Variants in SLC35B4 observed in about 807,000 individuals in gnomAD.
The protein encoded by SLC35B4 is solute carrier family 35 member B4.
SLC35B4 carries 28 observed loss-of-function variants against 39.5 expected under a neutral mutation model. The ratio of observed to expected loss-of-function variants is 0.71; its 90% CI spans 0.53 to 0.97. The LOEUF is 0.97. SLC35B4 is among the 50% of genes least tolerant of loss of function. The pLI is 0.00. For synonymous variants in SLC35B4, 145 were observed against 150.4 expected (o/e 0.96, Z 0.26); for missense variants, 334 against 414.3 (o/e 0.81, Z 1.68).
chr7:134,318,944 G>T (rs905608276), upstream of SLC35B4, among the ~76,000 whole-genome samples: 1 of 152,180 alleles, frequency 6.6e-6, no homozygotes, highest in African/African-American at 2.4e-5. Context: ...CACTAGGCCT[G>T]CAGCATGGCC....
chr7:134,303,375 T>C (rs1304943387), intron 4 of SLC35B4, among the ~76,000 whole-genome samples: 1 of 152,082 alleles, frequency 6.6e-6, no homozygotes, highest in Non-Finnish European at 1.5e-5. Flanking sequence ...AATCAAAGGT[T>C]GGGAAAGAGC....
rs759761400 is a variant in SLC35B4, at chr7:134,294,872, G to A, written c.957C>T (p.Thr319=). The A allele has an allele frequency of 7.4e-6, 12 of 1,613,916 alleles. 1 individual carries two copies. The highest frequency in any genetic ancestry group is 1.6e-4 in the Middle Eastern group (1 of 6,078). ...MYTEVWNNLG[T]TKSEPQKDSK... Reference sequence around the variant, plus strand: ...TGTCCTTCTGAGGCTCACTTTTTGTGGTCCCTAGGTTGTTCCACACCTCTG... The same window carrying A: ...TGTCCTTCTGAGGCTCACTTTTTGTAGTCCCTAGGTTGTTCCACACCTCTG... The change falls in exon 10 of 10, where the codon ACC becomes ACT. Residue 319 remains threonine, a synonymous_variant. Coordinates refer to ENST00000378509, the MANE Select transcript of SLC35B4 (RefSeq NM_032826.5).
chr7:134,295,102 G>C, intron 9 of SLC35B4, 23 bp from the exon 10 acceptor site: 1 of 1,611,902 alleles, frequency 6.2e-7, no homozygotes, highest in Non-Finnish European at 8.5e-7. Flanking sequence ...AGTCAAGGTA[G>C]TTTTCTGTAG....
intron 3 of SLC35B4, 93 bp downstream of exon 3, chr7:134,306,579 C>T: frequency 9.6e-7 from 1 of 1,039,406 alleles, no homozygotes; most frequent in Non-Finnish European, 1.4e-6. Flanking sequence ...AGACCACTTA[C>T]TACAAGAACC....
rs185806026 is a variant in SLC35B4 at position 134,307,943 on chromosome 7, T to C, written c.192-1169A>G. Among the ~76,000 whole-genome samples the C allele has an allele frequency of 2.3e-4, 35 of 152,364 alleles. 1 individual carries two copies. The highest frequency in any genetic ancestry group is 1.8e-3 in the Admixed American group (27 of 15,310). On this transcript the variant is annotated intron_variant, in intron 2 of 9. Coordinates refer to ENST00000378509, the MANE Select transcript of SLC35B4 (RefSeq NM_032826.5). ...TACAAAGTTTCTTGCCAAATTTTCT[T>C]AGTTCTACCTTGAAGAGGTGCCATT...
chr7:134,307,338 T>TAAA (rs33975579), intron 2 of SLC35B4, among the ~76,000 whole-genome samples: 2 of 141,654 alleles, frequency 1.4e-5, no homozygotes, highest in East Asian at 2.2e-4. Context: ...AAACAAAAAC[T>TAAA]AAAAAAAAAA....
rs1326819104 is a variant in SLC35B4, at chr7:134,294,682, G to A, written c.*151C>T. 7.7e-6 allele frequency: 7 copies of A among 910,552 alleles called. No individual in the cohort carries two copies. The highest frequency in any genetic ancestry group is 1.1e-5 in the Non-Finnish European group (7 of 614,474). 56.4% of individuals were successfully genotyped at this position (910,552 alleles called of 1,614,324 possible). ...ATTTAGTCTACATGTGTCAGTCTGAGCAACGTGAGAAGTCCCCTCCTGAAG... is the reference window on the plus strand; with the variant it reads ...ATTTAGTCTACATGTGTCAGTCTGAACAACGTGAGAAGTCCCCTCCTGAAG... On this transcript the variant is annotated 3_prime_UTR_variant, in exon 10 of 10. Transcript: ENST00000378509.
Position 134,294,813 on chromosome 7 carries a change from CTACG to C in SLC35B4, c.*16_*19del, listed in dbSNP as rs529024637. On this transcript the variant is annotated 3_prime_UTR_variant, in exon 10 of 10. Transcript: ENST00000378509. ...GTCCCACCCTCACGACGACACTGGT[CTACG>C]TACTCCAGACAGGCCTCAGTTCTTC... The C allele has an allele frequency of 3.9e-4, 625 of 1,613,104 alleles. 7 individuals are homozygous for C. In the South Asian group the frequency reaches 6.6e-3, roughly 17 times the overall value.
At chr7:134,309,749 C>T (rs927950728) in intron 1 of SLC35B4, among the ~76,000 whole-genome samples, 4 of 152,210 alleles carry the variant, frequency 2.6e-5, no homozygotes, top group East Asian at 1.9e-4. Context: ...CCCAGAACTA[C>T]GATACAGCTT....
rs2117300193 is a variant in SLC35B4, at chr7:134,304,857, G to T, written c.295-3C>A. 6.2e-7 allele frequency: 1 copy of T among 1,611,962 alleles called. No individual in the cohort carries two copies. Among genetic ancestry groups the T allele is most frequent in the Non-Finnish European group, 8.5e-7 (1 of 1,178,232 alleles). On this transcript the variant is annotated splice_region_variant and splice_polypyrimidine_tract_variant and intron_variant, in intron 3 of 9. Transcript: ENST00000378509. ...ATCATGTTGGCAATTAGAGAACCCT[G>T]CAAAAGGAGACAACAGTAACAGAGA...
chr7:134,304,936 C>A, intron 3 of SLC35B4, 82 bp from the exon 4 acceptor site: 1 of 1,048,726 alleles, frequency 9.5e-7, no homozygotes, highest in Non-Finnish European at 1.5e-6. Flanking sequence ...GGAACATGGG[C>A]AAGGGGAAAA....
At chr7:134,308,825 T>C (rs1803769690) in intron 2 of SLC35B4, among the ~76,000 whole-genome samples, 2 of 152,248 alleles carry the variant, frequency 1.3e-5, no homozygotes, top group African/African-American at 2.4e-5. Context: ...TTTGGACTAA[T>C]GTACTACAGG....
At position 134,290,407 on chromosome 7, in the gene SLC35B4, C is replaced by T. The variant is rs1203984008; in HGVS notation, c.*4426G>A. The T allele has an allele frequency of 2.0e-5, 3 of 152,200 alleles. No individual in the cohort carries two copies. Among genetic ancestry groups the T allele is most frequent in the African/African-American group, 4.8e-5 (2 of 41,446 alleles). 9.4% of individuals were successfully genotyped at this position (152,200 alleles called of 1,614,324 possible). ...CCAGAAACTTGAGGGAAGAAGAGAT[C>T]TTGGCAAGCATTCATTTATTCACAT... On this transcript the variant is annotated 3_prime_UTR_variant, in exon 10 of 10. Transcript: ENST00000378509.
chr7:134,311,573 T>C (rs1280680383), intron 1 of SLC35B4, among the ~76,000 whole-genome samples: 1 of 152,166 alleles, frequency 6.6e-6, no homozygotes, highest in Non-Finnish European at 1.5e-5. Flanking sequence ...GAGAATCACT[T>C]GAACCTGGGA....
intron 7 of SLC35B4, 103 bp downstream of exon 7, chr7:134,300,049 A>G: frequency 2.4e-6 from 2 of 839,430 alleles, no homozygotes; most frequent in Non-Finnish European, 3.7e-6. Context: ...GCCATCTACC[A>G]ATAATACACC....
At chr7:134,316,255 G>GA (rs1803971977) in intron 1 of SLC35B4, among the ~76,000 whole-genome samples, 1 of 152,056 alleles carries the variant, frequency 6.6e-6, no homozygotes, top group Admixed American at 6.5e-5. Context: ...TAACAGGATC[G>GA]AAAAAAGAGC....
In SLC35B4 at chr7:134,311,221, T is replaced by C. The variant is rs909331490; in HGVS notation, c.78-1742A>G. ...AAATGCAGGAATCCATAAATAATCA[T>C]GTAAGACATTTACCTCATTCAAGGA... is the stretch of plus-strand genomic sequence containing the variant. On this transcript the variant is annotated intron_variant, in intron 1 of 9. Coordinates refer to ENST00000378509, the MANE Select transcript of SLC35B4 (RefSeq NM_032826.5). Among the ~76,000 whole-genome samples, 5 of 152,348 alleles carry C rather than the reference T, an allele frequency of 3.3e-5. No homozygotes were observed. In the East Asian group the frequency reaches 5.8e-4, roughly 18 times the overall value.
chr7:134,301,845 G>C, intron 5 of SLC35B4, 24 bp from the exon 6 acceptor site: 1 of 1,609,718 alleles, frequency 6.2e-7, no homozygotes, highest in Non-Finnish European at 8.5e-7. Context: ...AAATAAACTA[G>C]GTACAGAGAG....
chr7:134,292,072 C>A lies in SLC35B4; in HGVS notation c.*2761G>T, dbSNP rs1803342433. On this transcript the variant is annotated 3_prime_UTR_variant, in exon 10 of 10. Transcript: ENST00000378509. ...TAAACTCTTTGTAAACAAACAGTAT[C>A]TTCATCTCTGAAGCATAAAATTACA... is the stretch of plus-strand genomic sequence containing the variant. 1 of 154,672 alleles carries A rather than the reference C, an allele frequency of 6.5e-6. No individual in the cohort carries two copies. The highest frequency in any genetic ancestry group is 1.5e-5 in the Non-Finnish European group (1 of 68,206). 9.6% of individuals were successfully genotyped at this position (154,672 alleles called of 1,614,324 possible).
Sources: gnomAD v4.1 joint callset for allele counts (sites outside exome capture counted in the v4.1 genomes callset) on GRCh38, gnomAD v4.1.1 for gene constraint, MANE v1.5 for transcripts, NCBI Gene and HGNC (gene_info 2026-07-23, HGNC 2026-07-21) for gene names.